The following HDX variants were observed in gnomAD, a reference collection of about 807,000 sequenced individuals.
HDX encodes the protein highly divergent homeobox.
HDX carries 19 observed loss-of-function variants against 45.2 expected under a neutral mutation model. The observed-to-expected ratio is 0.42, with a 90% CI of 0.29 to 0.62. The LOEUF (loss-of-function observed/expected upper bound fraction) is 0.62. HDX is among the 20% of genes least tolerant of loss of function. The probability of loss-of-function intolerance (pLI) is 0.20; values close to 1 mark genes in which losing one functional copy is unlikely to be tolerated. For missense variants in HDX, 532 were observed against 493.9 expected (o/e 1.08, Z -0.73); for synonymous variants, 188 against 172.8 (o/e 1.09, Z -0.69).
At chrX:84,432,937 T>G (rs932477258) in intron 5 of HDX, among the ~76,000 whole-genome samples, 2 of 111,512 alleles carry the variant, frequency 1.8e-5, no homozygotes, top group African/African-American at 6.5e-5. Context: ...TTTTGCCCAA[T>G]CAGTATAATG....
At chrX:84,328,056 G>A (rs182397269) in intron 9 of HDX, among the ~76,000 whole-genome samples, 1 of 110,736 alleles carries the variant, frequency 9.0e-6, no homozygotes, top group East Asian at 2.8e-4. Flanking sequence ...GGTCTCAAGC[G>A]ATCCTCCCAC....
chrX:84,470,262 T>C (rs145837098), intron 3 of HDX, among the ~76,000 whole-genome samples: 1,473 of 111,713 alleles, frequency 0.013, 36 homozygotes, highest in African/African-American at 0.047. Context: ...TTCAAAGTGC[T>C]CTCCAATGTA....
chrX:84,464,276 AT>A (rs34822881), intron 4 of HDX, among the ~76,000 whole-genome samples: 3,870 of 111,469 alleles, frequency 0.035, 128 homozygotes, highest in African/African-American at 0.11. Flanking sequence ...ACTCAATGCT[AT>A]CCCCATCAAG....
At chrX:84,451,765 C>CA (rs869299085) in intron 4 of HDX, among the ~76,000 whole-genome samples, 1 of 110,816 alleles carries the variant, frequency 9.0e-6, no homozygotes, top group East Asian at 2.8e-4. Flanking sequence ...AATACAGATG[C>CA]AAAAACCCTC....
Position 84,484,258 on chromosome X carries a change from T to G in HDX, c.-1+3766A>C, listed in dbSNP as rs1338721238. 2.7e-5 allele frequency among the ~76,000 whole-genome samples: 3 copies of G among 112,067 alleles called. No individual in the cohort carries two copies. In the East Asian group the frequency reaches 8.4e-4, roughly 31 times the overall value. ...TTACTGTATTAGTCTGTTCTCACGC[T>G]GCTATAAAGAATTGCTTGAGACTGG... On this transcript the variant is annotated intron_variant, in intron 2 of 10. Coordinates refer to ENST00000373177, the MANE Select transcript of HDX (RefSeq NM_001177479.2).
intron 2 of HDX, among the ~76,000 whole-genome samples, chrX:84,476,985 T>A (rs1237979323): frequency 8.9e-6 from 1 of 112,097 alleles, no homozygotes; most frequent in Non-Finnish European, 1.9e-5. Context: ...TGCACTAATG[T>A]GTAAGCCTAA....
intron 1 of HDX, among the ~76,000 whole-genome samples, chrX:84,493,314 A>T (rs1484944874): frequency 1.8e-5 from 2 of 111,890 alleles, no homozygotes; most frequent in African/African-American, 6.5e-5. Context: ...GATAAAACTA[A>T]CTTATATTGC....
chrX:84,405,921 A>T (rs2038808936), intron 5 of HDX, among the ~76,000 whole-genome samples: 1 of 110,556 alleles, frequency 9.0e-6, no homozygotes, highest in Admixed American at 9.8e-5. Context: ...ATTATTATTT[A>T]GATTATTATA....
intron 5 of HDX, among the ~76,000 whole-genome samples, chrX:84,437,310 T>C (rs998848194): frequency 9.0e-6 from 1 of 111,010 alleles, no homozygotes; most frequent in Non-Finnish European, 1.9e-5. Context: ...GGAGACTTTT[T>C]TTTTAAGAGA....
At chrX:84,488,760 T>C (rs900112444) in intron 1 of HDX, among the ~76,000 whole-genome samples, 3 of 111,927 alleles carry the variant, frequency 2.7e-5, no homozygotes, top group Admixed American at 9.5e-5. Flanking sequence ...CTCTCTTGAG[T>C]TGTTAAACAG....
At chrX:84,425,006 ACAAT>A (rs1206281240) in intron 5 of HDX, among the ~76,000 whole-genome samples, 3 of 111,642 alleles carry the variant, frequency 2.7e-5, no homozygotes, top group Non-Finnish European at 3.8e-5. Flanking sequence ...AGCAAAGGAA[ACAAT>A]CAATACAGTG....
chrX:84,493,004 C>T (rs1453451510), intron 1 of HDX, among the ~76,000 whole-genome samples: 1 of 109,625 alleles, frequency 9.1e-6, no homozygotes, highest in Non-Finnish European at 1.9e-5. Context: ...CCTCCACCTC[C>T]TGGATTCAAG....
At chrX:84,327,572 CAA>C (rs2036741079) in intron 9 of HDX, among the ~76,000 whole-genome samples, 2 of 111,153 alleles carry the variant, frequency 1.8e-5, no homozygotes, top group African/African-American at 6.5e-5. Context: ...AGTGGTTAAA[CAA>C]ATGTAAATCC....
chrX:84,439,168 G>GT (rs914438212), intron 5 of HDX, among the ~76,000 whole-genome samples: 3 of 111,034 alleles, frequency 2.7e-5, no homozygotes, highest in African/African-American at 9.8e-5. Flanking sequence ...GATGTTCAAC[G>GT]TTTTTTTCAT....
intron 1 of HDX, among the ~76,000 whole-genome samples, chrX:84,498,821 GCA>G (rs202067754): frequency 0.016 from 1,502 of 94,646 alleles, 20 homozygotes; most frequent in East Asian, 0.059. Flanking sequence ...TGGAATGTAT[GCA>G]CACACACACA....
Position 84,469,298 on chromosome X carries a change from G to A in HDX, c.425C>T (p.Ala142Val), listed in dbSNP as rs1270400580. 1 of 1,208,676 alleles carries A rather than the reference G, an allele frequency of 8.3e-7. No homozygotes were observed. Among genetic ancestry groups the A allele is most frequent in the Non-Finnish European group, 1.1e-6 (1 of 894,252 alleles). The stretch of plus-strand genomic sequence containing the variant: ...CTGAAACTCAGTATCATTTTTAGTG[G>A]CTGTTTTCTGAATAGGGATTTTATG... ...EAHKIPIQKT[A>V]TKNDTEFQLH... Residue 142 changes from alanine to valine, a missense_variant, in exon 4 of 11, where the codon GCC becomes GTC. Around this residue, in one of 3 missense-constraint regions of HDX, gnomAD observed 376 missense variants for 343.7 expected, o/e 1.09. Transcript: ENST00000373177.
intron 1 of HDX, among the ~76,000 whole-genome samples, chrX:84,500,469 CACA>C (rs368488267): frequency 0.28 from 29,107 of 104,521 alleles, 3,166 homozygotes; most frequent in African/African-American, 0.32. Flanking sequence ...CACACACACA[CACA>C]ACAACAACAA....
At chrX:84,330,178 C>G (rs1266234041) in intron 9 of HDX, among the ~76,000 whole-genome samples, 1 of 111,008 alleles carries the variant, frequency 9.0e-6, no homozygotes, top group East Asian at 2.8e-4. Context: ...ATACACAACT[C>G]TTACTTGTCA....
intron 6 of HDX, among the ~76,000 whole-genome samples, chrX:84,352,391 A>C (rs759059009): frequency 7.5e-4 from 84 of 112,280 alleles, no homozygotes; most frequent in African/African-American, 2.7e-3. Context: ...ATCTGTATGG[A>C]TACTAATTTT....
Sources: gnomAD v4.1 joint callset for allele counts (sites outside exome capture counted in the v4.1 genomes callset) on GRCh38, gnomAD v4.1.1 for gene constraint, gnomAD v4.1.1 regional missense constraint, MANE v1.5 for transcripts, NCBI Gene and HGNC (gene_info 2026-07-23, HGNC 2026-07-21) for gene names.